YES1: variants seen among roughly 807,000 people sequenced by gnomAD.
YES1 encodes the protein tyrosine-protein kinase Yes.
In YES1, 39 loss-of-function variants were observed where a neutral mutation model predicts 70.4. That is an observed-to-expected ratio of 0.55 (90% CI 0.43 to 0.72). The LOEUF (loss-of-function observed/expected upper bound fraction) is 0.72, where lower values mean the gene tolerates loss of function less well. Ranked by LOEUF, YES1 falls within the 30% of genes least tolerant of loss-of-function variation. The pLI, the probability that YES1 is intolerant of heterozygous loss-of-function variation, is 0.00. For synonymous variants in YES1, 198 were observed against 218.6 expected, an observed-to-expected ratio of 0.91 and a Z score of 0.83; for missense variants, 495 against 644.8, an observed-to-expected ratio of 0.77 and a Z score of 2.52.
chr18:792,829 G>C (rs1249078087), intron 1 of YES1, among the ~76,000 whole-genome samples: 1 of 149,030 alleles, frequency 6.7e-6, no homozygotes, highest in Non-Finnish European at 1.5e-5. Flanking sequence ...GAAAGAAAAA[G>C]AAGAAAAGTT....
chr18:805,318 A>G (rs3915597), intron 1 of YES1, among the ~76,000 whole-genome samples: 8,738 of 152,256 alleles, frequency 0.057, 354 homozygotes, highest in East Asian at 0.12. Flanking sequence ...GTATTTAAAC[A>G]TAACTAAATG....
rs72204539 is a variant in YES1, at chr18:795,912, A to AACACACACACACACACACACACACAC, written c.-9+16176_-9+16201dup. Among the ~76,000 whole-genome samples, 33 of 144,688 alleles carry AACACACACACACACACACACACACAC rather than the reference A, an allele frequency of 2.3e-4. 1 individual carries two copies. Among genetic ancestry groups the AACACACACACACACACACACACACAC allele is most frequent in the African/African-American group, 8.5e-4 (33 of 38,934 alleles). The allele number at this position is 144,688 out of a possible 152,430, so 94.9% of individuals were successfully genotyped here. ...TTCAGCACATGTATCCCAGAACTTA[A>AACACACACACACACACACACACACAC]ACACACACACACACACACACACACA... On this transcript the variant is annotated intron_variant, in intron 1 of 11. Transcript: ENST00000314574.
chr18:757,243 C>T (rs545050770), intron 1 of YES1, among the ~76,000 whole-genome samples: 2 of 152,340 alleles, frequency 1.3e-5, no homozygotes, highest in Non-Finnish European at 2.9e-5. Flanking sequence ...GTGGCTCACG[C>T]CTGTAATCCC....
intron 1 of YES1, among the ~76,000 whole-genome samples, chr18:804,836 C>T (rs796737426): frequency 7.2e-5 from 10 of 138,626 alleles, no homozygotes; most frequent in African/African-American, 2.7e-4. Flanking sequence ...ATCACTTGAA[C>T]CCAGGAGGCT....
intron 1 of YES1, among the ~76,000 whole-genome samples, chr18:771,707 C>G (rs1420816807): frequency 2.0e-5 from 3 of 152,052 alleles, no homozygotes; most frequent in African/African-American, 7.2e-5. Flanking sequence ...GGCCATGATG[C>G]CTGGCTAATT....
chr18:796,612 C>CA (rs1906556867), intron 1 of YES1, among the ~76,000 whole-genome samples: 1 of 152,062 alleles, frequency 6.6e-6, no homozygotes, highest in South Asian at 2.1e-4. Flanking sequence ...ACTAAAAATA[C>CA]AAAAATTAGC....
intron 1 of YES1, among the ~76,000 whole-genome samples, chr18:763,181 C>T (rs569371016): frequency 2.6e-5 from 4 of 152,054 alleles, no homozygotes; most frequent in African/African-American, 9.7e-5. Context: ...GTAGGACAGG[C>T]AGCTAGAGGA....
At chr18:729,405 ACT>A (rs2080060398) in intron 11 of YES1, among the ~76,000 whole-genome samples, 1 of 150,852 alleles carries the variant, frequency 6.6e-6, no homozygotes. Flanking sequence ...ACAGAGCGAG[ACT>A]CTGTCCCAAA....
chr18:811,761 G>A (rs1907395273), intron 1 of YES1, among the ~76,000 whole-genome samples: 1 of 152,192 alleles, frequency 6.6e-6, no homozygotes, highest in South Asian at 2.1e-4. Flanking sequence ...TACTTCGGCC[G>A]TAGGGGCAAA....
chr18:722,408 G>A lies in YES1; in HGVS notation c.*2016C>T. The A allele has an allele frequency of 6.6e-6, 1 of 152,554 alleles. No individual in the cohort carries two copies. The allele number at this position is 152,554 out of a possible 1,614,324, so 9.5% of individuals were successfully genotyped here. On this transcript the variant is annotated 3_prime_UTR_variant, in exon 12 of 12. Coordinates refer to ENST00000314574, the MANE Select transcript of YES1 (RefSeq NM_005433.4). ...GTTTGAATTTGAACATATATGCCAT[G>A]GCACAGAATTTCGAATCTGATGATT... is the stretch of plus-strand genomic sequence containing the variant.
chr18:749,702 CAAA>C (rs937749662), intron 3 of YES1, among the ~76,000 whole-genome samples: 2 of 149,412 alleles, frequency 1.3e-5, no homozygotes, highest in Non-Finnish European at 3.0e-5. Flanking sequence ...AAAAAAAAAA[CAAA>C]AAAAATTAGC....
chr18:809,056 G>A (rs984700374), intron 1 of YES1, among the ~76,000 whole-genome samples: 2 of 152,094 alleles, frequency 1.3e-5, no homozygotes, highest in African/African-American at 4.8e-5. Flanking sequence ...AGTTTTAATT[G>A]TCATGTTATG....
At chr18:785,820 C>T (rs776578110) in intron 1 of YES1, among the ~76,000 whole-genome samples, 2 of 151,878 alleles carry the variant, frequency 1.3e-5, no homozygotes, top group Non-Finnish European at 2.9e-5. Context: ...ACCAGTAGTC[C>T]CAGCTACTTG....
rs71174290 is a variant in YES1 at position 787,080 on chromosome 18, C to CTTTTTTTTTTTTTTTT, written c.-9+25018_-9+25033dup. On this transcript the variant is annotated intron_variant, in intron 1 of 11. Transcript: ENST00000314574. Reference sequence around the variant, plus strand: ...TTTAAAAAACTGTGATACATACTGTCTTTTTTTTTTTTTTTTTTTTTTTTT... The same window carrying CTTTTTTTTTTTTTTTT: ...TTTAAAAAACTGTGATACATACTGTCTTTTTTTTTTTTTTTTTTTTTTTTTTTTTTTTTTTTTTTTT... 5.8e-5 allele frequency among the ~76,000 whole-genome samples: 2 copies of CTTTTTTTTTTTTTTTT among 34,736 alleles called. 1 individual carries two copies. The highest frequency in any genetic ancestry group is 1.0e-4 in the Non-Finnish European group (2 of 20,020). The allele number at this position is 34,736 out of a possible 152,430, so 22.8% of individuals were successfully genotyped here. A position where few individuals can be genotyped will look rare whatever the true frequency, so the allele number is the denominator to read the frequency against.
intron 1 of YES1, among the ~76,000 whole-genome samples, chr18:773,969 T>C (rs1240619140): frequency 6.6e-6 from 1 of 152,078 alleles, no homozygotes; most frequent in African/African-American, 2.4e-5. Context: ...GTAGCTGGAA[T>C]TACATGCGCC....
chr18:728,819 C>T (rs977501720), intron 11 of YES1, among the ~76,000 whole-genome samples: 27 of 152,202 alleles, frequency 1.8e-4, no homozygotes, highest in African/African-American at 6.5e-4. Context: ...CCACTGCGCC[C>T]AGCTGCATTT....
rs2079991263 is a variant in YES1, at chr18:724,231, A to C, written c.*193T>G. 5 of 582,806 alleles carry C rather than the reference A, an allele frequency of 8.6e-6. No individual in the cohort carries two copies. Among genetic ancestry groups the C allele is most frequent in the East Asian group, 5.7e-5 (2 of 34,848 alleles). 36.1% of individuals were successfully genotyped at this position (582,806 alleles called of 1,614,324 possible). ...GTTTGGACCCTGAAATACGCTGATA[A>C]ATTCATCATTGGTACATTAGAGTTT... On this transcript the variant is annotated 3_prime_UTR_variant, in exon 12 of 12. Transcript: ENST00000314574.
At chr18:793,681 G>C (rs1324365633) in intron 1 of YES1, among the ~76,000 whole-genome samples, 1 of 152,104 alleles carries the variant, frequency 6.6e-6, no homozygotes, top group Non-Finnish European at 1.5e-5. Flanking sequence ...TAACTGAAAA[G>C]CTATCAGACA....
chr18:736,045 A>C (rs1568187045), intron 10 of YES1: 1 of 152,286 alleles, frequency 6.6e-6, no homozygotes. Context: ...GGTAGTGTGC[A>C]CCTGTAGTTC....
Sources: gnomAD v4.1 joint callset for allele counts (sites outside exome capture counted in the v4.1 genomes callset) on GRCh38, gnomAD v4.1.1 for gene constraint, MANE v1.5 for transcripts, NCBI Gene and HGNC (gene_info 2026-07-23, HGNC 2026-07-21) for gene names.